PTBP1: variants seen among roughly 807,000 people sequenced by gnomAD.
PTBP1 encodes the protein polypyrimidine tract-binding protein 1.
Under a neutral mutation model 59.8 loss-of-function variants are expected in PTBP1, and 8 were observed. That is an observed-to-expected ratio of 0.13 (90% CI 0.08 to 0.24). PTBP1 has a LOEUF of 0.24. Ranked by LOEUF, PTBP1 falls within the 10% of genes least tolerant of loss-of-function variation. The probability of loss-of-function intolerance (pLI) is 1.00; values close to 1 mark genes in which losing one functional copy is unlikely to be tolerated. For synonymous variants in PTBP1, 490 were observed against 320.7 expected (o/e 1.53, Z -5.64); for missense variants, 686 against 767.0 (o/e 0.89, Z 1.25).
At chr19:803,973 A>AT in intron 3 of PTBP1, 63 bp from the exon 4 acceptor site, 1 of 1,592,350 alleles carries the variant, frequency 6.3e-7, no homozygotes, top group Non-Finnish European at 8.6e-7. Context: ...GGGGGATAGC[A>AT]GGGACCTTCC....
In PTBP1 at chr19:808,290, G is replaced by A. The variant is rs1833583866; in HGVS notation, c.1154-70G>A. On this transcript the variant is annotated intron_variant, in intron 11 of 14. Coordinates refer to ENST00000356948, the MANE Select transcript of PTBP1 (RefSeq NM_002819.5). The surrounding 1 kb of genome is among the most constrained non-coding windows in gnomAD (Gnocchi z 4.7). Reference sequence around the variant, plus strand: ...GCCGGGCCTTGTGGGGGTGCGCGGGGCCGGGGCTGACGGGGAGATGGGCGG... The same window carrying A: ...GCCGGGCCTTGTGGGGGTGCGCGGGACCGGGGCTGACGGGGAGATGGGCGG... The A allele has an allele frequency of 7.6e-7, 1 of 1,323,802 alleles. No homozygotes were observed. Among genetic ancestry groups the A allele is most frequent in the Non-Finnish European group, 1.1e-6 (1 of 942,468 alleles). 82.0% of individuals were successfully genotyped at this position (1,323,802 alleles called of 1,614,324 possible).
chr19:797,875 C>T (rs924075344), intron 1 of PTBP1, among the ~76,000 whole-genome samples: 2 of 148,912 alleles, frequency 1.3e-5, no homozygotes, highest in African/African-American at 2.4e-5. Context: ...GCCCTTCCCG[C>T]CTCCCGTCCG....
In PTBP1 at chr19:806,448, G is replaced by T; in HGVS notation, c.1011G>T (p.Leu337=). 1 of 1,601,500 alleles carries T rather than the reference G, an allele frequency of 6.2e-7. No individual in the cohort carries two copies. The highest frequency in any genetic ancestry group is 8.5e-7 in the Non-Finnish European group (1 of 1,174,324). The change falls in exon 10 of 15, where the codon CTG becomes CTT. Residue 337 remains leucine, a synonymous_variant. Coordinates refer to ENST00000356948, the MANE Select transcript of PTBP1 (RefSeq NM_002819.5). Reference sequence around the variant, plus strand: ...ACGTCCACGGCGCCCTGGCCCCCCTGGCCATCCCCTCGGCGGCGGCGGCAG... The same window carrying T: ...ACGTCCACGGCGCCCTGGCCCCCCTTGCCATCCCCTCGGCGGCGGCGGCAG... ...VPNVHGALAP[L]AIPSAAAAAA... is the part of the protein sequence containing the mutation.
In PTBP1 at chr19:804,879, C is replaced by G. The variant is rs1266783363; in HGVS notation, c.657C>G (p.Asn219Lys). Residue 219 changes from asparagine (N) to lysine (K), a missense_variant, in exon 7 of 15, where the codon AAC (asparagine) becomes AAG (lysine). Transcript: ENST00000356948. ...TVLKIITFTKNNQFQALLQYA... is the reference protein window; with the variant it reads ...TVLKIITFTKKNQFQALLQYA... ...TGAAGATCATCACCTTCACCAAGAA[C>G]AACCAGTTCCAGGCCCTGCTGCAGT... The G allele has an allele frequency of 6.2e-7, 1 of 1,613,938 alleles. No individual in the cohort carries two copies. Among genetic ancestry groups the G allele is most frequent in the Non-Finnish European group, 8.5e-7 (1 of 1,179,948 alleles).
At chr19:809,668 T>C (rs934503799) in intron 13 of PTBP1, among the ~76,000 whole-genome samples, 1 of 152,122 alleles carries the variant, frequency 6.6e-6, no homozygotes, top group African/African-American at 2.4e-5. Flanking sequence ...GGGCAGGGGA[T>C]TGCTTGAACC....
In PTBP1 at chr19:805,063, C is replaced by T. The variant is rs1599230677; in HGVS notation, c.768C>T (p.Asp256=). Reference sequence around the variant, plus strand: ...ACGCCTGCTGCACGCTGCGCATCGACTTTTCCAAGCTCACCAGCCTCAACG... The same window carrying T: ...ACGCCTGCTGCACGCTGCGCATCGATTTTTCCAAGCTCACCAGCCTCAACG... The part of the protein sequence containing the change: ...IYNACCTLRI[D]FSKLTSLNVK... Residue 256 remains aspartate, a synonymous_variant, in exon 8 of 15, where the codon GAC becomes GAT. Transcript: ENST00000356948. 6.2e-7 allele frequency: 1 copy of T among 1,613,896 alleles called. No individual in the cohort carries two copies. Among genetic ancestry groups the T allele is most frequent in the South Asian group, 1.1e-5 (1 of 91,084 alleles).
In PTBP1 at chr19:806,430, C is replaced by T. The variant is rs199836672; in HGVS notation, c.993C>T (p.His331=). The stretch of plus-strand genomic sequence containing the variant: ...CAGGCCTTTCCGTTCCGAACGTCCA[C>T]GGCGCCCTGGCCCCCCTGGCCATCC... ...QAAGLSVPNV[H]GALAPLAIPS... Residue 331 remains histidine, a synonymous_variant, in exon 10 of 15, where the codon CAC becomes CAT. Transcript: ENST00000356948. 154 of 1,602,624 alleles carry T rather than the reference C, an allele frequency of 9.6e-5. 2 individuals carry two copies. The East Asian group carries it at 3.4e-3, about 36-fold the overall frequency.
chr19:809,067 G>C (rs1049369648), intron 13 of PTBP1, among the ~76,000 whole-genome samples: 11 of 152,276 alleles, frequency 7.2e-5, no homozygotes, highest in Admixed American at 5.2e-4. Flanking sequence ...GGAGTACAGT[G>C]GAACGATCTC....
intron 10 of PTBP1, chr19:807,651 C>CA (rs368949808): frequency 1.4e-5 from 7 of 493,168 alleles, no homozygotes; most frequent in Non-Finnish European, 1.8e-5. Context: ...TGAAACAAAA[C>CA]AAAAACATAA....
chr19:802,014 C>G (rs895239180), intron 2 of PTBP1, among the ~76,000 whole-genome samples: 1 of 152,190 alleles, frequency 6.6e-6, no homozygotes, highest in East Asian at 1.9e-4. Context: ...TGAACAGGTG[C>G]CATTTGGGTG....
At chr19:805,346 AC>A in intron 8 of PTBP1, 145 bp from the exon 9 acceptor site, 1 of 1,193,182 alleles carries the variant, frequency 8.4e-7, no homozygotes, top group African/African-American at 1.5e-5. Context: ...CCACGTCGGG[AC>A]CACGGCCCCC....
At chr19:805,947 C>G (rs1184635586) in intron 9 of PTBP1, 2 of 292,390 alleles carry the variant, frequency 6.8e-6, no homozygotes, top group Non-Finnish European at 1.3e-5. Flanking sequence ...GGCGGCGGGA[C>G]GTGTGTGCGT....
At position 808,474 on chromosome 19, in the gene PTBP1, G is replaced by A. The variant is rs149887681; in HGVS notation, c.1246+22G>A. ...CTGGGTAAGAGGCCGGGGCGGCCCC[G>A]GGGTGGAGGGGGCAGGGGCGGGGGC... On this transcript the variant is annotated intron_variant, in intron 12 of 14. Coordinates refer to ENST00000356948, the MANE Select transcript of PTBP1 (RefSeq NM_002819.5). This position sits in a 1 kb window ranked among gnomAD's most constrained non-coding sequence, Gnocchi z 4.7. 0.054 allele frequency: 85,172 copies of A among 1,573,078 alleles called. 2,766 individuals are homozygous for A. Among genetic ancestry groups the A allele is most frequent in the Non-Finnish European group, 0.065 (75,154 of 1,160,674 alleles).
Position 802,883 on chromosome 19 carries a change from C to T in PTBP1, c.40-678C>T, listed in dbSNP as rs1337610557. On this transcript the variant is annotated intron_variant, in intron 2 of 14. Coordinates refer to ENST00000356948, the MANE Select transcript of PTBP1 (RefSeq NM_002819.5). ...AGATTGTTTCTGGAGAGAAAATGGA[C>T]AGGTCAGAAGTGATGGAGCCGCTGT... Among the ~76,000 whole-genome samples the T allele has an allele frequency of 2.0e-5, 3 of 152,336 alleles. No individual in the cohort carries two copies. In the South Asian group the frequency reaches 6.2e-4, roughly 32 times the overall value.
chr19:810,758 G>A lies in PTBP1; in HGVS notation c.1606G>A (p.Asp536Asn). 1 of 1,607,240 alleles carries A rather than the reference G, an allele frequency of 6.2e-7. No homozygotes were observed. The highest frequency in any genetic ancestry group is 8.5e-7 in the Non-Finnish European group (1 of 1,178,010). The change falls in exon 15 of 15, where the codon GAC becomes AAC. Residue 536 changes from aspartate (D) to asparagine (N), a missense_variant. Transcript: ENST00000356948. ...GGAGGAGGCGGTCCAGGCCCTCATT[G>A]ACCTGCACAACCACGACCTCGGGGA... The part of the protein sequence containing the change: ...SVEEAVQALI[D>N]LHNHDLGENH...
At chr19:806,033 C>A (rs1458046995) in intron 9 of PTBP1, 1 of 233,904 alleles carries the variant, frequency 4.3e-6, no homozygotes, top group African/African-American at 2.3e-5. Context: ...CAGCGCGTGC[C>A]GCCCGGCGGC....
chr19:807,813 C>T, intron 10 of PTBP1, 56 bp from the exon 11 acceptor site: 4 of 1,475,788 alleles, frequency 2.7e-6, no homozygotes, highest in East Asian at 2.3e-5. Context: ...AACTCGCCCC[C>T]CTTGACCTCT....
chr19:810,136 G>A (rs143493551), intron 13 of PTBP1, among the ~76,000 whole-genome samples: 150 of 152,208 alleles, frequency 9.9e-4, no homozygotes, highest in African/African-American at 3.1e-3. Context: ...GTGAAACCCC[G>A]TCTCTACTAA....
intron 2 of PTBP1, among the ~76,000 whole-genome samples, chr19:800,089 G>A (rs1401486676): frequency 7.6e-6 from 1 of 131,686 alleles, no homozygotes; most frequent in African/African-American, 2.9e-5. Flanking sequence ...ACCATGCCCA[G>A]CTAATTTTTG....
Sources: allele counts gnomAD v4.1 joint callset (sites outside exome capture counted in the v4.1 genomes callset), GRCh38; gene constraint gnomAD v4.1.1; non-coding constraint Gnocchi (gnomAD v3.1); transcripts MANE v1.5; gene names NCBI Gene and HGNC (gene_info 2026-07-23, HGNC 2026-07-21).